The following PDCD6IP variants were observed in gnomAD, a reference collection of about 807,000 sequenced individuals.
The protein encoded by PDCD6IP is programmed cell death 6 interacting protein, also known as programmed cell death 6-interacting protein.
A neutral mutation model predicts 103.7 loss-of-function variants in PDCD6IP; 43 were observed. The observed-to-expected ratio is 0.41, with a 90% CI of 0.32 to 0.53. The LOEUF (loss-of-function observed/expected upper bound fraction) is 0.53. PDCD6IP is among the 20% of genes least tolerant of loss of function. PDCD6IP has a pLI of 0.16. For missense variants in PDCD6IP, 871 were observed against 1,036.7 expected (o/e 0.84, Z 2.20); for synonymous variants, 354 against 378.7 (o/e 0.93, Z 0.76).
In PDCD6IP at chr3:33,852,575, A is replaced by C; in HGVS notation, c.1729A>C (p.Asn577His). 2 of 1,589,942 alleles carry C rather than the reference A, an allele frequency of 1.3e-6. No individual in the cohort carries two copies. Among genetic ancestry groups the C allele is most frequent in the Non-Finnish European group, 8.5e-7 (1 of 1,173,060 alleles). ...TCTGGAGAATGACTTGAAATCTGTG[A>C]ATTTTGACATGACAAGCAAGTTTTT... ...EGLENDLKSV[N>H]FDMTSKFLTA... Residue 577 changes from asparagine (N) to histidine (H), a missense_variant, in exon 13 of 18, where the codon AAT becomes CAT. Coordinates refer to ENST00000307296, the MANE Select transcript of PDCD6IP (RefSeq NM_013374.6).
intron 7 of PDCD6IP, 41 bp downstream of exon 7, chr3:33,829,010 ATC>A (rs1697189795): frequency 6.7e-7 from 1 of 1,492,756 alleles, no homozygotes; most frequent in Non-Finnish European, 9.0e-7. Flanking sequence ...ACTAACTTGG[ATC>A]TCTCTTTTTT....
chr3:33,832,636 A>G (rs1050187517), intron 7 of PDCD6IP, among the ~76,000 whole-genome samples: 2 of 152,156 alleles, frequency 1.3e-5, no homozygotes, highest in African/African-American at 2.4e-5. Flanking sequence ...CTGATCTGAC[A>G]TTCTGACTTT....
At chr3:33,820,290 A>AT in intron 3 of PDCD6IP, among the ~76,000 whole-genome samples, 2 of 150,550 alleles carry the variant, frequency 1.3e-5, no homozygotes, top group South Asian at 2.1e-4. Flanking sequence ...CTCAAAAGAA[A>AT]AAAACAATTA....
Position 33,826,574 on chromosome 3 carries a change from C to G in PDCD6IP, c.711C>G (p.Leu237=). ...AFKQCQYKDT[L]PKEVFPVLAA... ...AACAGTGTCAATACAAAGATACTCT[C>G]CCCAAGGTCAGTTATTGTTTTTATA... Residue 237 remains leucine, a synonymous_variant, in exon 6 of 18, where the codon CTC becomes CTG. Transcript: ENST00000307296. 1.9e-6 allele frequency: 3 copies of G among 1,611,128 alleles called. No individual in the cohort carries two copies. The highest frequency in any genetic ancestry group is 2.5e-6 in the Non-Finnish European group (3 of 1,177,704).
Position 33,845,524 on chromosome 3 carries a change from C to A in PDCD6IP, c.1577C>A (p.Pro526Gln). The change falls in exon 12 of 18, where the codon CCA becomes CAA. Residue 526 changes from proline (P) to glutamine (Q), a missense_variant. Physicochemically the swap from Pro to Gln is moderately conservative, Grantham distance 76. Coordinates refer to ENST00000307296, the MANE Select transcript of PDCD6IP (RefSeq NM_013374.6). ...HRDTIVLLCK[P>Q]EPELNAAIPS... ...GACACCATCGTGCTTTTGTGTAAGC[C>A]AGAGCCTGAGCTGAATGCTGCCATC... 1.2e-6 allele frequency: 2 copies of A among 1,613,868 alleles called. No individual in the cohort carries two copies. The highest frequency in any genetic ancestry group is 1.7e-6 in the Non-Finnish European group (2 of 1,179,828).
chr3:33,802,025 T>C (rs1696486006), intron 1 of PDCD6IP, among the ~76,000 whole-genome samples: 1 of 152,334 alleles, frequency 6.6e-6, no homozygotes, highest in East Asian at 1.9e-4. Context: ...TCCCAAATTA[T>C]CTGAGTTAAG....
intron 1 of PDCD6IP, among the ~76,000 whole-genome samples, chr3:33,805,895 C>T (rs1047163427): frequency 1.3e-5 from 2 of 152,072 alleles, no homozygotes; most frequent in African/African-American, 4.8e-5. Flanking sequence ...CAGGCGCCCA[C>T]CACTACGCCC....
chr3:33,833,502 G>C (rs984769993), intron 7 of PDCD6IP, among the ~76,000 whole-genome samples: 31 of 151,916 alleles, frequency 2.0e-4, no homozygotes, highest in African/African-American at 7.5e-4. Context: ...TCTCAGTCTT[G>C]CTTTCTTAAA....
chr3:33,822,885 C>T (rs993460989), intron 4 of PDCD6IP, among the ~76,000 whole-genome samples: 2 of 152,048 alleles, frequency 1.3e-5, no homozygotes, highest in Admixed American at 6.6e-5. Flanking sequence ...TCTTGATCTC[C>T]TGACATCATG....
chr3:33,843,990 T>C (rs1429258516), intron 10 of PDCD6IP, 122 bp from the exon 11 acceptor site: 3 of 579,850 alleles, frequency 5.2e-6, no homozygotes, highest in Non-Finnish European at 6.0e-6. Flanking sequence ...CGATTTATAT[T>C]CTAACCTAGT....
Position 33,865,344 on chromosome 3 carries a change from T to G in PDCD6IP, c.2346T>G (p.Ala782=). The change falls in exon 17 of 18, where the codon GCT becomes GCG. Residue 782 remains alanine, a synonymous_variant. Coordinates refer to ENST00000307296, the MANE Select transcript of PDCD6IP (RefSeq NM_013374.6). ...TAPSPVGAGT[A]APAPSQTPGS... Reference sequence around the variant, plus strand: ...CATCTCCAGTGGGGGCTGGGACTGCTGCGCCAGCTCCATCACAAACGCCTG... The same window carrying G: ...CATCTCCAGTGGGGGCTGGGACTGCGGCGCCAGCTCCATCACAAACGCCTG... The G allele has an allele frequency of 6.2e-7, 1 of 1,601,096 alleles. No individual in the cohort carries two copies. The highest frequency in any genetic ancestry group is 8.5e-7 in the Non-Finnish European group (1 of 1,174,334).
In PDCD6IP at chr3:33,865,252, C is replaced by A; in HGVS notation, c.2254C>A (p.Pro752Thr). 6.5e-7 allele frequency: 1 copy of A among 1,547,784 alleles called. No homozygotes were observed. The highest frequency in any genetic ancestry group is 8.7e-7 in the Non-Finnish European group (1 of 1,154,174). Residue 752 changes from proline (P) to threonine (T), a missense_variant, in exon 17 of 18, where the codon CCC (proline) becomes ACC (threonine). By Grantham distance (38) the Pro-to-Thr change is conservative (BLOSUM62 -1). Around this residue, in one of 5 missense-constraint regions of PDCD6IP, gnomAD observed 202 missense variants for 205.2 expected, o/e 0.98. Transcript: ENST00000307296. Reference protein sequence around the residue: ...PAPRTMPPTKPQPPARPPPPV... With the variant: ...PAPRTMPPTKTQPPARPPPPV... ...TGACTTTTTCTTATAGCCTACTAAG[C>A]CCCAGCCCCCAGCCAGGCCTCCACC...
intron 8 of PDCD6IP, among the ~76,000 whole-genome samples, chr3:33,836,471 A>G (rs1003049919): frequency 6.6e-6 from 1 of 152,208 alleles, no homozygotes; most frequent in Non-Finnish European, 1.5e-5. Flanking sequence ...AAAGTATACA[A>G]TAGTTAGAAG....
At chr3:33,811,517 G>C (rs1696718489) in intron 1 of PDCD6IP, among the ~76,000 whole-genome samples, 3 of 152,210 alleles carry the variant, frequency 2.0e-5, no homozygotes, top group African/African-American at 7.2e-5. Flanking sequence ...GGGGAAGTCT[G>C]CTTTATATTT....
chr3:33,820,143 G>A (rs1301330595), intron 3 of PDCD6IP, among the ~76,000 whole-genome samples: 4 of 152,162 alleles, frequency 2.6e-5, no homozygotes, highest in Non-Finnish European at 2.9e-5. Flanking sequence ...AATTAGCCGG[G>A]TATGGTGGCC....
intron 11 of PDCD6IP, among the ~76,000 whole-genome samples, 169 bp from the exon 12 acceptor site, chr3:33,845,250 A>C (rs1697567122): frequency 1.3e-5 from 2 of 152,206 alleles, no homozygotes; most frequent in Admixed American, 1.3e-4. Flanking sequence ...CATCTTTCTA[A>C]AAACGAGAAC....
intron 12 of PDCD6IP, among the ~76,000 whole-genome samples, chr3:33,851,649 T>C (rs75627166): frequency 6.6e-6 from 1 of 151,948 alleles, no homozygotes; most frequent in African/African-American, 2.4e-5. Context: ...TTTTTTTTTT[T>C]CAATGTAGAA....
intron 15 of PDCD6IP, among the ~76,000 whole-genome samples, chr3:33,856,084 A>T (rs1697822108): frequency 6.6e-6 from 1 of 152,172 alleles, no homozygotes; most frequent in Non-Finnish European, 1.5e-5. Flanking sequence ...CTCTATTGTG[A>T]ACTGCCCGTG....
In PDCD6IP at chr3:33,825,174, T is replaced by C. The variant is rs372807528; in HGVS notation, c.463-13T>C. Reference sequence around the variant, plus strand: ...CTGAGTTCCTATAAAGAAATTCTTTTTCCCCCCTTTAGTTTGCTAGTGGTG... The same window carrying C: ...CTGAGTTCCTATAAAGAAATTCTTTCTCCCCCCTTTAGTTTGCTAGTGGTG... On this transcript the variant is annotated splice_polypyrimidine_tract_variant and intron_variant, in intron 4 of 17. Coordinates refer to ENST00000307296, the MANE Select transcript of PDCD6IP (RefSeq NM_013374.6). 9.1e-5 allele frequency: 146 copies of C among 1,600,856 alleles called. No individual in the cohort carries two copies. Among genetic ancestry groups the C allele is most frequent in the Non-Finnish European group, 1.2e-4 (138 of 1,176,646 alleles).
Sources: allele counts gnomAD v4.1 joint callset (sites outside exome capture counted in the v4.1 genomes callset), GRCh38; gene constraint gnomAD v4.1.1; regional missense constraint gnomAD v4.1.1; transcripts MANE v1.5; gene names NCBI Gene and HGNC (gene_info 2026-07-23, HGNC 2026-07-21).